Variants in SLC27A2 observed in about 807,000 individuals in gnomAD.
The protein encoded by SLC27A2 is solute carrier family 27 member 2, also known as long-chain fatty acid transport protein 2.
Under a neutral mutation model 60.0 loss-of-function variants are expected in SLC27A2, and 54 were observed. That is an observed-to-expected ratio of 0.90 (90% CI 0.72 to 1.13). SLC27A2 has a LOEUF of 1.13. SLC27A2 is among the 50% of genes most tolerant of loss of function. SLC27A2 has a pLI of 0.00. For missense variants in SLC27A2, 739 were observed against 777.6 expected, an observed-to-expected ratio of 0.95 and a Z score of 0.59; for synonymous variants, 297 against 297.6, an observed-to-expected ratio of 1.00 and a Z score of 0.02.
intron 4 of SLC27A2, among the ~76,000 whole-genome samples, chr15:50,212,667 G>T (rs2045167035): frequency 6.6e-6 from 1 of 152,154 alleles, no homozygotes; most frequent in Non-Finnish European, 1.5e-5. Context: ...TGTAAGCCAA[G>T]AATTTTGTAT....
At chr15:50,215,826 A>T (rs890321948) in intron 4 of SLC27A2, among the ~76,000 whole-genome samples, 1 of 152,210 alleles carries the variant, frequency 6.6e-6, no homozygotes, top group Non-Finnish European at 1.5e-5. Flanking sequence ...ATGGATTAAG[A>T]ACTTAAACCT....
intron 2 of SLC27A2, among the ~76,000 whole-genome samples, chr15:50,201,644 C>G (rs1180781233): frequency 6.6e-6 from 1 of 152,008 alleles, no homozygotes; most frequent in East Asian, 1.9e-4. Context: ...CAACCTTTGC[C>G]TCCCAGGTTC....
intron 1 of SLC27A2, among the ~76,000 whole-genome samples, chr15:50,183,766 A>T (rs1283172777): frequency 6.6e-6 from 1 of 152,120 alleles, no homozygotes; most frequent in Non-Finnish European, 1.5e-5. Flanking sequence ...CCTACACAGG[A>T]GTGGGCTGAA....
At chr15:50,199,085 A>G (rs1057500559) in intron 2 of SLC27A2, among the ~76,000 whole-genome samples, 71 of 152,226 alleles carry the variant, frequency 4.7e-4, no homozygotes, top group African/African-American at 1.6e-3. Context: ...GGCACAATTA[A>G]CCAATTGCTT....
At chr15:50,195,538 GGCATTAGCTTTAGTTGTGA>G (rs2045007175) in intron 1 of SLC27A2, among the ~76,000 whole-genome samples, 1 of 151,844 alleles carries the variant, frequency 6.6e-6, no homozygotes, top group Non-Finnish European at 1.5e-5. Context: ...ATTTCCCCTA[GGCATTAGCTTTAGTTGTGA>G]GGAAGGCCTG....
chr15:50,209,443 A>T (rs140957554), intron 4 of SLC27A2, among the ~76,000 whole-genome samples: 7 of 152,246 alleles, frequency 4.6e-5, no homozygotes, highest in Admixed American at 3.3e-4. Context: ...TTCTGCAGCC[A>T]GGCAAGAAAA....
chr15:50,210,885 C>A (rs2045149658), intron 4 of SLC27A2, among the ~76,000 whole-genome samples: 1 of 152,150 alleles, frequency 6.6e-6, no homozygotes. Context: ...CCCTGACAAC[C>A]TGCATGACTC....
intron 5 of SLC27A2, among the ~76,000 whole-genome samples, chr15:50,224,055 G>T (rs1471253187): frequency 1.3e-5 from 2 of 152,166 alleles, no homozygotes; most frequent in Non-Finnish European, 2.9e-5. Context: ...TGCTCCTCAG[G>T]CCTCAATTTC....
At chr15:50,199,773 T>A (rs1029045438) in intron 2 of SLC27A2, among the ~76,000 whole-genome samples, 5 of 151,664 alleles carry the variant, frequency 3.3e-5, no homozygotes, top group African/African-American at 1.2e-4. Context: ...TACAAAAACA[T>A]TAAAAAATTA....
intron 1 of SLC27A2, among the ~76,000 whole-genome samples, chr15:50,192,073 A>G (rs532716171): frequency 5.3e-5 from 8 of 152,084 alleles, no homozygotes; most frequent in African/African-American, 1.7e-4. Flanking sequence ...AAAAAAAAAA[A>G]GAAAAAAGAA....
intron 4 of SLC27A2, among the ~76,000 whole-genome samples, chr15:50,206,031 T>C (rs1167035483): frequency 6.6e-6 from 1 of 152,098 alleles, no homozygotes; most frequent in Non-Finnish European, 1.5e-5. Flanking sequence ...CTCGATGGGG[T>C]TGTTCTCAAG....
chr15:50,184,910 T>C (rs899581969), intron 1 of SLC27A2, among the ~76,000 whole-genome samples: 1 of 152,172 alleles, frequency 6.6e-6, no homozygotes, highest in African/African-American at 2.4e-5. Context: ...TTCAAGAAAA[T>C]TCCCATTAAT....
intron 3 of SLC27A2, 85 bp downstream of exon 3, chr15:50,202,730 G>T: frequency 3.5e-6 from 5 of 1,411,440 alleles, no homozygotes; most frequent in Non-Finnish European, 9.9e-7. Flanking sequence ...TGGCTACGTT[G>T]CTGTCTGCTA....
intron 4 of SLC27A2, among the ~76,000 whole-genome samples, chr15:50,213,830 A>G (rs1424197955): frequency 3.3e-5 from 5 of 152,150 alleles, no homozygotes; most frequent in African/African-American, 1.2e-4. Flanking sequence ...AGGAATCTTC[A>G]TAGCCCTAAA....
intron 4 of SLC27A2, among the ~76,000 whole-genome samples, chr15:50,215,792 AC>A (rs1464404413): frequency 6.6e-6 from 1 of 152,220 alleles, no homozygotes; most frequent in African/African-American, 2.4e-5. Context: ...CTCATCTCTC[AC>A]CTTATACAAA....
intron 1 of SLC27A2, among the ~76,000 whole-genome samples, chr15:50,194,214 C>A (rs1169342459): frequency 6.6e-6 from 1 of 152,098 alleles, no homozygotes; most frequent in African/African-American, 2.4e-5. Context: ...TAAATACGGG[C>A]TCCTATGGGA....
intron 8 of SLC27A2, among the ~76,000 whole-genome samples, chr15:50,231,430 C>T (rs1361181325): frequency 1.3e-5 from 2 of 152,044 alleles, no homozygotes; most frequent in African/African-American, 2.4e-5. Flanking sequence ...GGATTACAGG[C>T]ATGAGCCACC....
chr15:50,226,253 T>G, intron 6 of SLC27A2, 175 bp downstream of exon 6: 1 of 522,364 alleles, frequency 1.9e-6, no homozygotes, highest in Non-Finnish European at 3.5e-6. Flanking sequence ...TACCGCTGCA[T>G]GTAACATAAT....
In SLC27A2 at chr15:50,202,569, T is replaced by C; in HGVS notation, c.771T>C (p.Asp257=). 3 of 1,614,002 alleles carry C rather than the reference T, an allele frequency of 1.9e-6. No individual in the cohort carries two copies. The highest frequency in any genetic ancestry group is 2.5e-6 in the Non-Finnish European group (3 of 1,179,854). ...GLTFVSGLKA[D]DVIYITLPFY... ...CTTTTGTAAGCGGATTGAAGGCAGA[T>C]GATGTCATCTATATCACTCTGCCCT... is the stretch of plus-strand genomic sequence containing the variant. Residue 257 remains aspartate, a synonymous_variant, in exon 3 of 10, where the codon GAT becomes GAC. Coordinates refer to ENST00000267842, the MANE Select transcript of SLC27A2 (RefSeq NM_003645.4).
Sources: allele counts gnomAD v4.1 joint callset (sites outside exome capture counted in the v4.1 genomes callset), GRCh38; gene constraint gnomAD v4.1.1; transcripts MANE v1.5; gene names NCBI Gene and HGNC (gene_info 2026-07-23, HGNC 2026-07-21).